The following CCDC38 variants were observed in gnomAD, a reference collection of about 807,000 sequenced individuals.
CCDC38 encodes coiled-coil domain containing 38, also known as coiled-coil domain-containing protein 38.
A neutral mutation model predicts 72.8 loss-of-function variants in CCDC38; 69 were observed. The ratio of observed to expected loss-of-function variants is 0.95; its 90% CI spans 0.78 to 1.16. CCDC38 has a LOEUF of 1.16. Among genes scored for constraint, CCDC38 ranks in the 50% most tolerant of loss-of-function variants. The pLI is 0.00. For synonymous variants in CCDC38, 201 were observed against 213.2 expected (o/e 0.94, Z 0.50); for missense variants, 626 against 638.9 (o/e 0.98, Z 0.22).
chr12:95,914,979 G>T (rs528991809), intron 4 of CCDC38, among the ~76,000 whole-genome samples: 3 of 152,240 alleles, frequency 2.0e-5, no homozygotes, highest in African/African-American at 4.8e-5. Flanking sequence ...TAGAAGAAAA[G>T]AATGAAAGTG....
chr12:95,906,848 T>C (rs1221766290), intron 4 of CCDC38, among the ~76,000 whole-genome samples: 1 of 147,682 alleles, frequency 6.8e-6, no homozygotes, highest in South Asian at 2.1e-4. Flanking sequence ...TTTTTATTGA[T>C]CATTCTTGGG....
At chr12:95,942,836 G>A (rs559777207), upstream of CCDC38, 1 of 153,420 alleles carries the variant, frequency 6.5e-6, no homozygotes, top group Admixed American at 6.5e-5. Flanking sequence ...TCCTCTCCCG[G>A]GGCTCTACCT....
intron 2 of CCDC38, among the ~76,000 whole-genome samples, chr12:95,927,945 G>A (rs942112473): frequency 3.4e-5 from 5 of 148,890 alleles, no homozygotes; most frequent in South Asian, 2.2e-4. Flanking sequence ...TGGGTAACCC[G>A]ACCTTTCTCT....
intron 7 of CCDC38, among the ~76,000 whole-genome samples, chr12:95,896,055 C>CAAAAAAAAAAAAAATAAAAAA (rs2079885059): frequency 1.4e-5 from 1 of 73,056 alleles, no homozygotes. Flanking sequence ...GACTCTGTCT[C>CAAAAAAAAAAAAAATAAAAAA]AAAAAAAAAA....
intron 15 of CCDC38, among the ~76,000 whole-genome samples, chr12:95,868,440 A>T (rs2079546713): frequency 6.6e-6 from 1 of 152,234 alleles, no homozygotes; most frequent in Non-Finnish European, 1.5e-5. Flanking sequence ...GAAAGTCTTC[A>T]TGGAAAGAAT....
At chr12:95,872,482 A>G in intron 13 of CCDC38, 22 bp from the exon 14 acceptor site, 1 of 1,464,654 alleles carries the variant, frequency 6.8e-7, no homozygotes, top group East Asian at 2.3e-5. Flanking sequence ...AAGAGCAGAA[A>G]ACATTAACAT....
intron 2 of CCDC38, among the ~76,000 whole-genome samples, chr12:95,930,542 C>G (rs534325286): frequency 2.7e-4 from 41 of 152,240 alleles, no homozygotes; most frequent in African/African-American, 9.6e-4. Context: ...TATAAGGACA[C>G]TAGTAATTGG....
chr12:95,919,342 A>G (rs1287245736), intron 2 of CCDC38: 1 of 365,056 alleles, frequency 2.7e-6, no homozygotes, highest in Admixed American at 3.6e-5. Context: ...AGCACTCAGC[A>G]GTGTATGAGT....
At chr12:95,941,665 A>G (rs949051250) in intron 1 of CCDC38, among the ~76,000 whole-genome samples, 1 of 152,244 alleles carries the variant, frequency 6.6e-6, no homozygotes, top group Non-Finnish European at 1.5e-5. Context: ...CAGAAATTTT[A>G]TAATAGAAAA....
intron 2 of CCDC38, among the ~76,000 whole-genome samples, chr12:95,922,705 T>C (rs1400384402): frequency 6.6e-6 from 1 of 152,112 alleles, no homozygotes; most frequent in Non-Finnish European, 1.5e-5. Flanking sequence ...ACATACAATT[T>C]TAGGCCTTAA....
intron 5 of CCDC38, among the ~76,000 whole-genome samples, chr12:95,902,216 G>A (rs1458672610): frequency 1.3e-5 from 2 of 151,972 alleles, no homozygotes; most frequent in African/African-American, 2.4e-5. Flanking sequence ...GTTTAATTGA[G>A]GTATAACTAT....
At chr12:95,869,420 T>C in intron 15 of CCDC38, 60 bp downstream of exon 15, 1 of 1,263,134 alleles carries the variant, frequency 7.9e-7, no homozygotes, top group East Asian at 2.4e-5. Flanking sequence ...ATAAAGTATT[T>C]TGTTTTTGTA....
chr12:95,872,216 A>G (rs771597367), intron 14 of CCDC38, 39 bp downstream of exon 14: 3 of 1,583,574 alleles, frequency 1.9e-6, no homozygotes, highest in Non-Finnish European at 2.6e-6. Context: ...GAGCAAAACC[A>G]GCTACTCATT....
intron 4 of CCDC38, among the ~76,000 whole-genome samples, chr12:95,913,861 G>A (rs868555550): frequency 2.9e-5 from 4 of 139,972 alleles, no homozygotes; most frequent in Admixed American, 7.1e-5. Context: ...ACAGGCCTTG[G>A]CTTGAATTCT....
intron 13 of CCDC38, among the ~76,000 whole-genome samples, chr12:95,874,838 C>CGGGGT (rs1485814071): frequency 1.1e-4 from 16 of 152,054 alleles, no homozygotes; most frequent in Non-Finnish European, 1.9e-4. Context: ...GAAAGGTTGC[C>CGGGGT]GGGGTGGATA....
At chr12:95,926,275 T>C (rs2080269910) in intron 2 of CCDC38, among the ~76,000 whole-genome samples, 1 of 151,468 alleles carries the variant, frequency 6.6e-6, no homozygotes. Context: ...CTTGGGAGAG[T>C]GTATGTGTCA....
chr12:95,877,566 C>T (rs915275222), intron 13 of CCDC38, among the ~76,000 whole-genome samples: 1 of 152,138 alleles, frequency 6.6e-6, no homozygotes. Context: ...TTAGATGGAG[C>T]TGGTTGTGGG....
intron 1 of CCDC38, among the ~76,000 whole-genome samples, chr12:95,940,477 G>C (rs117599264): frequency 0.013 from 1,964 of 152,186 alleles, 23 homozygotes; most frequent in Middle Eastern, 0.037. Context: ...CAATGAAAAC[G>C]AATTTCCAGA....
chr12:95,927,732 T>A (rs1006278697), intron 2 of CCDC38, among the ~76,000 whole-genome samples: 20 of 152,284 alleles, frequency 1.3e-4, no homozygotes, highest in Non-Finnish European at 2.5e-4. Flanking sequence ...AGGGCAGGCC[T>A]GGTGGTGACA....
Sources: gnomAD v4.1 joint callset for allele counts (sites outside exome capture counted in the v4.1 genomes callset) on GRCh38, gnomAD v4.1.1 for gene constraint, MANE v1.5 for transcripts, NCBI Gene and HGNC (gene_info 2026-07-23, HGNC 2026-07-21) for gene names.